The following GULP1 variants were observed in gnomAD, a reference collection of about 807,000 sequenced individuals.
GULP1 encodes the protein PTB domain-containing engulfment adapter protein 1.
Under a neutral mutation model 40.9 loss-of-function variants are expected in GULP1, and 19 were observed. That is an observed-to-expected ratio of 0.46 (90% confidence interval 0.32 to 0.68). GULP1 has a LOEUF of 0.68. Ranked by LOEUF, GULP1 falls within the 30% of genes least tolerant of loss-of-function variation. The pLI is 0.03. For missense variants in GULP1, 312 were observed against 362.2 expected (o/e 0.86, Z 1.12); for synonymous variants, 119 against 117.6 (o/e 1.01, Z -0.08).
At chr2:188,371,146 T>G (rs931710295) in intron 1 of GULP1, among the ~76,000 whole-genome samples, 5 of 152,182 alleles carry the variant, frequency 3.3e-5, no homozygotes, top group Admixed American at 1.3e-4. Context: ...CTGCAGTTTT[T>G]AATCATTTGT....
intron 2 of GULP1, among the ~76,000 whole-genome samples, chr2:188,449,362 A>C (rs1196826166): frequency 3.3e-5 from 5 of 152,128 alleles, no homozygotes; most frequent in Non-Finnish European, 7.3e-5. Flanking sequence ...CGTCTTCCAC[A>C]CAACTTTTCT....
chr2:188,487,699 C>T (rs1436729753), intron 4 of GULP1, among the ~76,000 whole-genome samples: 1 of 151,966 alleles, frequency 6.6e-6, no homozygotes, highest in Non-Finnish European at 1.5e-5. Context: ...GAGAAAACTA[C>T]ATAGCTAATC....
At chr2:188,500,423 A>G (rs7602180) in intron 4 of GULP1, among the ~76,000 whole-genome samples, 134,841 of 151,880 alleles carry the variant, frequency 0.89, 61,148 homozygotes, top group South Asian at 0.99. Flanking sequence ...TTTAGTTTCA[A>G]TTTTCTCTGC....
chr2:188,557,342 A>G (rs1695026154), intron 7 of GULP1, among the ~76,000 whole-genome samples: 1 of 152,230 alleles, frequency 6.6e-6, no homozygotes, highest in African/African-American at 2.4e-5. Context: ...ATTAATTCCA[A>G]CATACAATGG....
At chr2:188,355,877 C>T (rs909050665) in intron 1 of GULP1, among the ~76,000 whole-genome samples, 1 of 151,854 alleles carries the variant, frequency 6.6e-6, no homozygotes, top group African/African-American at 2.4e-5. Flanking sequence ...AAGAATGGTT[C>T]AATATAATCA....
intron 1 of GULP1, among the ~76,000 whole-genome samples, chr2:188,295,718 T>C (rs2034762511): frequency 6.6e-6 from 1 of 152,064 alleles, no homozygotes; most frequent in Admixed American, 6.5e-5. Context: ...CTTTTATTTT[T>C]AGACTTTATA....
intron 4 of GULP1, among the ~76,000 whole-genome samples, chr2:188,507,402 T>C (rs1340463083): frequency 4.0e-5 from 6 of 149,668 alleles, no homozygotes; most frequent in African/African-American, 9.8e-5. Context: ...TTTTCTTTTT[T>C]TTTTTTTTTT....
chr2:188,429,886 T>A (rs1243387872), intron 2 of GULP1, among the ~76,000 whole-genome samples: 3 of 151,786 alleles, frequency 2.0e-5, no homozygotes, highest in Non-Finnish European at 4.4e-5. Context: ...AATTTTTGTA[T>A]TTTTAGTAGA....
intron 4 of GULP1, among the ~76,000 whole-genome samples, chr2:188,499,123 A>T (rs893381081): frequency 7.6e-5 from 2 of 26,302 alleles, no homozygotes; most frequent in African/African-American, 3.1e-4. Flanking sequence ...ACAAATGCAC[A>T]TATATGTGTG....
intron 2 of GULP1, among the ~76,000 whole-genome samples, chr2:188,399,096 A>C (rs2051715738): frequency 6.6e-6 from 1 of 152,222 alleles, no homozygotes; most frequent in Admixed American, 6.5e-5. Context: ...ACATTTGAAG[A>C]GTCTCTTATT....
chr2:188,476,320 T>C (rs1354529355), intron 2 of GULP1, among the ~76,000 whole-genome samples: 1 of 152,126 alleles, frequency 6.6e-6, no homozygotes, highest in Non-Finnish European at 1.5e-5. Context: ...ATTTCCAGAA[T>C]CATGCAGAGC....
intron 2 of GULP1, among the ~76,000 whole-genome samples, chr2:188,394,908 A>G (rs777642553): frequency 6.6e-6 from 1 of 152,150 alleles, no homozygotes; most frequent in Non-Finnish European, 1.5e-5. Context: ...CTGGGGTTGG[A>G]ATGGCAAAGG....
chr2:188,533,683 G>T (rs1306655024), intron 6 of GULP1, among the ~76,000 whole-genome samples: 4 of 152,024 alleles, frequency 2.6e-5, no homozygotes, highest in African/African-American at 9.7e-5. Flanking sequence ...TATGAACAGG[G>T]TAAACAGACA....
At chr2:188,420,747 G>GA (rs1413204676) in intron 2 of GULP1, among the ~76,000 whole-genome samples, 1 of 152,198 alleles carries the variant, frequency 6.6e-6, no homozygotes, top group Non-Finnish European at 1.5e-5. Flanking sequence ...GGTGGGCTGG[G>GA]AAAAGGCACC....
chr2:188,529,090 T>A lies in GULP1; in HGVS notation c.163-7T>A, dbSNP rs1686902449. 1 of 1,292,790 alleles carries A rather than the reference T, an allele frequency of 7.7e-7. No homozygotes were observed. Among genetic ancestry groups the A allele is most frequent in the African/African-American group, 1.5e-5 (1 of 67,400 alleles). The allele number at this position is 1,292,790 out of a possible 1,614,324, so 80.1% of individuals were successfully genotyped here. ...GTGTAGCTTTGTGAATAATTTTTCA[T>A]TCGTAGTTTGCAAGACATATCAAGA... On this transcript the variant is annotated splice_region_variant and splice_polypyrimidine_tract_variant and intron_variant, in intron 5 of 11. Coordinates refer to ENST00000409830, the MANE Select transcript of GULP1 (RefSeq NM_016315.4).
intron 2 of GULP1, among the ~76,000 whole-genome samples, chr2:188,461,751 T>G (rs1385352309): frequency 6.6e-6 from 1 of 152,212 alleles, no homozygotes; most frequent in Non-Finnish European, 1.5e-5. Flanking sequence ...TAGTAGCCAC[T>G]AATGATTCTT....
intron 2 of GULP1, among the ~76,000 whole-genome samples, chr2:188,415,494 C>A (rs1312833340): frequency 6.6e-6 from 1 of 150,738 alleles, no homozygotes; most frequent in Non-Finnish European, 1.5e-5. Flanking sequence ...ACTTACTCTG[C>A]GCCTTAGAAA....
intron 6 of GULP1, among the ~76,000 whole-genome samples, chr2:188,536,860 A>G (rs1689077258): frequency 6.6e-6 from 1 of 151,820 alleles, no homozygotes; most frequent in South Asian, 2.1e-4. Flanking sequence ...ATTTTTTTCC[A>G]CAGTGTTTTG....
intron 1 of GULP1, among the ~76,000 whole-genome samples, chr2:188,361,664 T>C (rs1427142680): frequency 1.3e-5 from 2 of 152,072 alleles, no homozygotes; most frequent in Admixed American, 6.6e-5. Flanking sequence ...GTAATTCTGT[T>C]TGGCAGATTA....
Sources: allele counts gnomAD v4.1 joint callset (sites outside exome capture counted in the v4.1 genomes callset), GRCh38; gene constraint gnomAD v4.1.1; transcripts MANE v1.5; gene names NCBI Gene and HGNC (gene_info 2026-07-23, HGNC 2026-07-21).